The following EXOC3L4 variants were observed in gnomAD, a reference collection of about 807,000 sequenced individuals.
EXOC3L4 encodes exocyst complex component 3 like 4, also known as exocyst complex component 3-like protein 4.
A neutral mutation model predicts 69.7 loss-of-function variants in EXOC3L4; 62 were observed. That is an observed-to-expected ratio of 0.89 (90% CI 0.72 to 1.10). The LOEUF (loss-of-function observed/expected upper bound fraction) is 1.10, where lower values mean the gene tolerates loss of function less well. Ranked by LOEUF, EXOC3L4 falls within the 50% of genes least tolerant of loss-of-function variation. The pLI, the probability that EXOC3L4 is intolerant of heterozygous loss-of-function variation, is 0.00. For synonymous variants in EXOC3L4, 502 were observed against 464.2 expected, an observed-to-expected ratio of 1.08 and a Z score of -1.05; for missense variants, 1,087 against 1,034.8, an observed-to-expected ratio of 1.05 and a Z score of -0.69.
At chr14:103,105,209 T>C in intron 7 of EXOC3L4, 137 bp downstream of exon 7, 1 of 869,496 alleles carries the variant, frequency 1.2e-6, no homozygotes, top group Non-Finnish European at 1.7e-6. Context: ...TGTGTCTGTG[T>C]GTTGGTGGAT....
rs796590038 is a variant in EXOC3L4, at chr14:103,098,246, A to G, written c.-16-1958A>G. On this transcript the variant is annotated intron_variant, in intron 1 of 11. Coordinates refer to ENST00000688303, the MANE Select transcript of EXOC3L4 (RefSeq NM_001077594.2). Reference sequence around the variant, plus strand: ...GCTCGTCTGGGCTTCCTGGGAGAGAACCTCCACATCTGACCCCACTCTGGG... The same window carrying G: ...GCTCGTCTGGGCTTCCTGGGAGAGAGCCTCCACATCTGACCCCACTCTGGG... Among the ~76,000 whole-genome samples the G allele has an allele frequency of 2.0e-5, 3 of 151,624 alleles. No individual in the cohort carries two copies. The South Asian group carries it at 6.2e-4, about 32-fold the overall frequency.
chr14:103,108,601 C>A, intron 11 of EXOC3L4, 84 bp downstream of exon 11: 1 of 1,548,430 alleles, frequency 6.5e-7, no homozygotes, highest in South Asian at 1.2e-5. Context: ...CCAGCCCAGA[C>A]CTGACTGCCC....
Position 103,102,563 on chromosome 14 carries a change from C to A in EXOC3L4, c.840C>A (p.Ala280=). The part of the protein sequence containing the change: ...EGASGLAQLL[A]ELGGLVRRDL... ...CGTCGGGTTTGGCCCAGCTTCTGGC[C>A]GAGCTGGGTGGCTTGGTTCGCCGCG... Residue 280 remains alanine, a synonymous_variant, in exon 3 of 12, where the codon GCC becomes GCA. Transcript: ENST00000688303. 6.9e-7 allele frequency: 1 copy of A among 1,443,356 alleles called. No homozygotes were observed. Among genetic ancestry groups the A allele is most frequent in the Non-Finnish European group, 9.1e-7 (1 of 1,100,908 alleles). The allele number at this position is 1,443,356 out of a possible 1,614,324, so 89.4% of individuals were successfully genotyped here. A position where few individuals can be genotyped will look rare whatever the true frequency, so the allele number is the denominator to read the frequency against.
intron 3 of EXOC3L4, among the ~76,000 whole-genome samples, chr14:103,103,366 AAAAAAG>A (rs1382508563): frequency 6.7e-6 from 1 of 148,862 alleles, no homozygotes; most frequent in Non-Finnish European, 1.5e-5. Flanking sequence ...AAAAAAAAAA[AAAAAAG>A]AAAGAAAGAA....
Position 103,108,468 on chromosome 14 carries a change from G to T in EXOC3L4, c.1927G>T (p.Asp643Tyr), listed in dbSNP as rs970894365. ...GATCCTGGGCGAGACCTACAAAGATGACATCCAGCGGCACCTGGAGACTCT... is the reference window on the plus strand; with the variant it reads ...GATCCTGGGCGAGACCTACAAAGATTACATCCAGCGGCACCTGGAGACTCT... The part of the protein sequence containing the change: ...AEILGETYKD[D>Y]IQRHLETLIR... Residue 643 changes from aspartate (D) to tyrosine (Y), a missense_variant, in exon 11 of 12, where the codon GAC (aspartate) becomes TAC (tyrosine). Asp to Tyr is a radical substitution (Grantham distance 160). Coordinates refer to ENST00000688303, the MANE Select transcript of EXOC3L4 (RefSeq NM_001077594.2). The T allele has an allele frequency of 1.2e-6, 2 of 1,613,890 alleles. No individual in the cohort carries two copies. The highest frequency in any genetic ancestry group is 2.7e-5 in the African/African-American group (2 of 74,908).
chr14:103,102,023 C>A (rs1391587834), intron 2 of EXOC3L4, 95 bp from the exon 3 acceptor site: 1 of 1,327,166 alleles, frequency 7.5e-7, no homozygotes. Context: ...ACAGACAATC[C>A]AGCCCCGATG....
Position 103,104,860 on chromosome 14 carries a change from G to C in EXOC3L4, c.1385+22G>C, listed in dbSNP as rs1239185590. On this transcript the variant is annotated intron_variant, in intron 6 of 11. Coordinates refer to ENST00000688303, the MANE Select transcript of EXOC3L4 (RefSeq NM_001077594.2). ...CCAGGTGCGGACGCATCCTCAGTAGGGGAGCGACCTGGCCGGGTGCGCTCT... is the reference window on the plus strand; with the variant it reads ...CCAGGTGCGGACGCATCCTCAGTAGCGGAGCGACCTGGCCGGGTGCGCTCT... 6.6e-6 allele frequency: 10 copies of C among 1,515,488 alleles called. No homozygotes were observed. In the South Asian group the frequency reaches 1.1e-4, roughly 17 times the overall value. The allele number at this position is 1,515,488 out of a possible 1,614,324, so 93.9% of individuals were successfully genotyped here.
chr14:103,096,275 GTCCAGGAGTT>G, intron 1 of EXOC3L4, among the ~76,000 whole-genome samples: 1 of 152,278 alleles, frequency 6.6e-6, no homozygotes, highest in South Asian at 2.1e-4. Flanking sequence ...GACTGCTTGA[GTCCAGGAGTT>G]TGAGGCTGTG....
At position 103,100,580 on chromosome 14, in the gene EXOC3L4, G is replaced by A; in HGVS notation, c.361G>A (p.Gly121Arg). ...TGGTGTCAGCCAGCAGGCATCCACTGGGGCAGCGTCTGAGGAACTGAAACC... is the reference window on the plus strand; with the variant it reads ...TGGTGTCAGCCAGCAGGCATCCACTAGGGCAGCGTCTGAGGAACTGAAACC... ...MNGVSQQAST[G>R]AASEELKPEA... Residue 121 changes from glycine (G) to arginine (R), a missense_variant, in exon 2 of 12, where the codon GGG becomes AGG. Physicochemically the swap from Gly to Arg is moderately radical, Grantham distance 125. Transcript: ENST00000688303. 2 of 1,607,740 alleles carry A rather than the reference G, an allele frequency of 1.2e-6. No homozygotes were observed. The highest frequency in any genetic ancestry group is 1.7e-6 in the Non-Finnish European group (2 of 1,175,598).
rs372305989 is a variant in EXOC3L4, at chr14:103,097,199, C to T, written c.-17+2359C>T. ...GCTAGGGTGGCCCAGGGTGGGAGCTCTCAGTGACTGTGTCTCTGGGTGGTT... is the reference window on the plus strand; with the variant it reads ...GCTAGGGTGGCCCAGGGTGGGAGCTTTCAGTGACTGTGTCTCTGGGTGGTT... On this transcript the variant is annotated intron_variant, in intron 1 of 11. Transcript: ENST00000688303. This position sits in a 1 kb window ranked among gnomAD's most constrained non-coding sequence, Gnocchi z 4.9. 1.3e-5 allele frequency among the ~76,000 whole-genome samples: 2 copies of T among 152,222 alleles called. No individual in the cohort carries two copies. Among genetic ancestry groups the T allele is most frequent in the African/African-American group, 4.8e-5 (2 of 41,532 alleles).
intron 8 of EXOC3L4, among the ~76,000 whole-genome samples, chr14:103,107,203 T>C (rs564063773): frequency 6.6e-5 from 10 of 152,278 alleles, no homozygotes; most frequent in Non-Finnish European, 1.3e-4. Context: ...GGGCATGCCC[T>C]GAGCAGATCT....
At position 103,103,797 on chromosome 14, in the gene EXOC3L4, C is replaced by CGTGCGTGTGT. The variant is rs1555403328; in HGVS notation, c.1050-141_1050-140insCGTGTGTGTG. On this transcript the variant is annotated intron_variant, in intron 3 of 11. Transcript: ENST00000688303. ...GCATGGCAGCCTAGAGGCGCGCGCG[C>CGTGCGTGTGT]GTGTGTGTGTGTGTGTGTGTGTGTG... 459 of 433,718 alleles carry CGTGCGTGTGT rather than the reference C, an allele frequency of 1.1e-3. 4 individuals carry two copies. Among genetic ancestry groups the CGTGCGTGTGT allele is most frequent in the African/African-American group, 1.0e-2 (430 of 43,098 alleles). The allele number at this position is 433,718 out of a possible 1,614,324, so 26.9% of individuals were successfully genotyped here.
intron 7 of EXOC3L4, among the ~76,000 whole-genome samples, chr14:103,105,468 G>T (rs997341302): frequency 9.2e-5 from 14 of 151,830 alleles, no homozygotes; most frequent in Non-Finnish European, 1.6e-4. Flanking sequence ...CGTGTGTCTT[G>T]TGTGTGTGTG....
In EXOC3L4 at chr14:103,102,714, G is replaced by T; in HGVS notation, c.991G>T (p.Ala331Ser). 2.1e-6 allele frequency: 3 copies of T among 1,456,438 alleles called. No homozygotes were observed. The highest frequency in any genetic ancestry group is 2.7e-6 in the Non-Finnish European group (3 of 1,108,538). 90.2% of individuals were successfully genotyped at this position (1,456,438 alleles called of 1,614,324 possible). A position where few individuals can be genotyped will look rare whatever the true frequency, so the allele number is the denominator to read the frequency against. The change falls in exon 3 of 12, where the codon GCC (alanine) becomes TCC (serine). Residue 331 changes from alanine (A) to serine (S), a missense_variant. Ala to Ser is a moderately conservative substitution (Grantham distance 99). Coordinates refer to ENST00000688303, the MANE Select transcript of EXOC3L4 (RefSeq NM_001077594.2). ...GCGCCTCCAGGAGCTCGCGCGCGACGCCCGCGGCTGCGAGCAGCTCTATAT... is the reference window on the plus strand; with the variant it reads ...GCGCCTCCAGGAGCTCGCGCGCGACTCCCGCGGCTGCGAGCAGCTCTATAT... ...AQRLQELARD[A>S]RGCEQLYILL...
rs1890263613 is a variant in EXOC3L4, at chr14:103,102,566, G to C, written c.843G>C (p.Glu281Asp). 4 of 1,452,270 alleles carry C rather than the reference G, an allele frequency of 2.8e-6. No individual in the cohort carries two copies. Among genetic ancestry groups the C allele is most frequent in the African/African-American group, 1.5e-5 (1 of 67,836 alleles). The allele number at this position is 1,452,270 out of a possible 1,614,324, so 90.0% of individuals were successfully genotyped here. A position where few individuals can be genotyped will look rare whatever the true frequency, so the allele number is the denominator to read the frequency against. ...GASGLAQLLA[E>D]LGGLVRRDLQ... ...CGGGTTTGGCCCAGCTTCTGGCCGA[G>C]CTGGGTGGCTTGGTTCGCCGCGACC... The change falls in exon 3 of 12, where the codon GAG (glutamate) becomes GAC (aspartate). Residue 281 changes from glutamate to aspartate, a missense_variant. Physicochemically the swap from Glu to Asp is conservative, Grantham distance 45 (BLOSUM62 2). Coordinates refer to ENST00000688303, the MANE Select transcript of EXOC3L4 (RefSeq NM_001077594.2).
In EXOC3L4 at chr14:103,102,304, G is replaced by C; in HGVS notation, c.581G>C (p.Gly194Ala). The C allele has an allele frequency of 6.4e-7, 1 of 1,568,144 alleles. No individual in the cohort carries two copies. Among genetic ancestry groups the C allele is most frequent in the Non-Finnish European group, 8.6e-7 (1 of 1,162,924 alleles). ...LLYDGLAAEI[G>A]AIVRETLDSD... ...TACGACGGGCTGGCAGCCGAGATCG[G>C]CGCCATCGTGCGCGAGACGCTGGAC... Residue 194 changes from glycine (G) to alanine (A), a missense_variant, in exon 3 of 12, where the codon GGC becomes GCC. Coordinates refer to ENST00000688303, the MANE Select transcript of EXOC3L4 (RefSeq NM_001077594.2).
chr14:103,100,386 C>G lies in EXOC3L4; in HGVS notation c.167C>G (p.Ala56Gly). The G allele has an allele frequency of 2.5e-6, 4 of 1,609,284 alleles. No homozygotes were observed. Among genetic ancestry groups the G allele is most frequent in the Non-Finnish European group, 1.7e-6 (2 of 1,177,918 alleles). ...TRLGLGSLRQAFSRASQRALT... is the reference protein window; with the variant it reads ...TRLGLGSLRQGFSRASQRALT... ...CTGGGCCTGGGCTCCCTGAGGCAGGCCTTCTCCCGGGCCAGCCAGCGGGCT... is the reference window on the plus strand; with the variant it reads ...CTGGGCCTGGGCTCCCTGAGGCAGGGCTTCTCCCGGGCCAGCCAGCGGGCT... The change falls in exon 2 of 12, where the codon GCC becomes GGC. Residue 56 changes from alanine to glycine, a missense_variant. Transcript: ENST00000688303.
At chr14:103,103,044 A>T (rs1890299326) in intron 3 of EXOC3L4, among the ~76,000 whole-genome samples, 1 of 152,174 alleles carries the variant, frequency 6.6e-6, no homozygotes, top group Non-Finnish European at 1.5e-5. Context: ...TGCTGGTTCC[A>T]CCAGGTGCCT....
chr14:103,099,329 C>A (rs1890044601), intron 1 of EXOC3L4, among the ~76,000 whole-genome samples: 1 of 152,020 alleles, frequency 6.6e-6, no homozygotes, highest in Non-Finnish European at 1.5e-5. Context: ...CCTGGCAGGC[C>A]ACGGTGCCGA....
Sources: gnomAD v4.1 joint callset for allele counts (sites outside exome capture counted in the v4.1 genomes callset) on GRCh38, gnomAD v4.1.1 for gene constraint, Gnocchi (gnomAD v3.1) non-coding constraint, MANE v1.5 for transcripts, NCBI Gene and HGNC (gene_info 2026-07-23, HGNC 2026-07-21) for gene names.